Variants in ROBO1 observed in about 807,000 individuals in gnomAD.
ROBO1 encodes roundabout homolog 1.
ROBO1 carries 149 observed loss-of-function variants against 195.9 expected under a neutral mutation model. That is an observed-to-expected ratio of 0.76 (90% CI 0.67 to 0.87). The LOEUF (loss-of-function observed/expected upper bound fraction) is 0.87, where lower values mean the gene tolerates loss of function less well. Among genes scored for constraint, ROBO1 ranks in the 40% least tolerant of loss-of-function variants. The pLI is 0.00. For synonymous variants in ROBO1, 816 were observed against 733.2 expected, an observed-to-expected ratio of 1.11 and a Z score of -1.82; for missense variants, 1,933 against 2,068.3, an observed-to-expected ratio of 0.93 and a Z score of 1.27.
At chr3:78,884,166 T>C (rs1168530256) in intron 4 of ROBO1, among the ~76,000 whole-genome samples, 1 of 152,192 alleles carries the variant, frequency 6.6e-6, no homozygotes, top group Non-Finnish European at 1.5e-5. Context: ...AACATGAATG[T>C]TATTATACAG....
At chr3:79,003,643 T>A (rs1042215019) in intron 3 of ROBO1, among the ~76,000 whole-genome samples, 1 of 152,260 alleles carries the variant, frequency 6.6e-6, no homozygotes, top group African/African-American at 2.4e-5. Flanking sequence ...CATTTTACTG[T>A]GAAACATAAT....
chr3:79,097,283 G>A (rs976717317), intron 3 of ROBO1, among the ~76,000 whole-genome samples: 3 of 151,760 alleles, frequency 2.0e-5, no homozygotes, highest in Non-Finnish European at 4.4e-5. Flanking sequence ...GACAAGCTTT[G>A]CATTTGTAAA....
At chr3:78,824,998 C>A (rs918752763) in intron 4 of ROBO1, among the ~76,000 whole-genome samples, 1 of 152,112 alleles carries the variant, frequency 6.6e-6, no homozygotes, top group Non-Finnish European at 1.5e-5. Context: ...TTTTAACCCT[C>A]TGTTAAAATT....
At chr3:79,273,924 A>G (rs79043520) in intron 2 of ROBO1, among the ~76,000 whole-genome samples, 2,741 of 152,128 alleles carry the variant, frequency 0.018, 63 homozygotes, top group African/African-American at 0.058. Context: ...AAAGAAGATC[A>G]TTATCTAATA....
At chr3:79,377,772 C>T (rs1575745901) in intron 2 of ROBO1, among the ~76,000 whole-genome samples, 1 of 152,308 alleles carries the variant, frequency 6.6e-6, no homozygotes, top group East Asian at 1.9e-4. Flanking sequence ...ATGTTTTGTG[C>T]ATTCCAGCCA....
intron 2 of ROBO1, among the ~76,000 whole-genome samples, chr3:79,161,268 G>A (rs112755161): frequency 1.5e-3 from 232 of 152,214 alleles, no homozygotes; most frequent in African/African-American, 5.2e-3. Flanking sequence ...CCTGACTGCT[G>A]CATCTCTTCT....
At chr3:78,779,524 C>T (rs868353304) in intron 4 of ROBO1, among the ~76,000 whole-genome samples, 1 of 152,240 alleles carries the variant, frequency 6.6e-6, no homozygotes, top group African/African-American at 2.4e-5. Flanking sequence ...CATCACTGGC[C>T]ATTAGAGAAA....
chr3:78,733,341 G>C (rs2082323184), intron 5 of ROBO1, among the ~76,000 whole-genome samples: 1 of 151,856 alleles, frequency 6.6e-6, no homozygotes, highest in African/African-American at 2.4e-5. Context: ...CTGTTTTAAG[G>C]AAAGGCTATT....
intron 1 of ROBO1, among the ~76,000 whole-genome samples, chr3:79,758,695 T>C (rs1034729315): frequency 2.0e-5 from 3 of 151,620 alleles, no homozygotes; most frequent in Admixed American, 1.3e-4. Context: ...GGAAACAGAG[T>C]GGTGTGTTGA....
At chr3:78,868,766 C>A (rs1479149289) in intron 4 of ROBO1, among the ~76,000 whole-genome samples, 1 of 152,142 alleles carries the variant, frequency 6.6e-6, no homozygotes, top group African/African-American at 2.4e-5. Flanking sequence ...TCACAGCTGT[C>A]TTCCATTACA....
intron 2 of ROBO1, among the ~76,000 whole-genome samples, chr3:79,297,450 C>G (rs984196657): frequency 2.6e-5 from 4 of 152,108 alleles, no homozygotes; most frequent in Non-Finnish European, 1.5e-5. Flanking sequence ...ATTATGATCT[C>G]TAGTGGGCAT....
intron 3 of ROBO1, among the ~76,000 whole-genome samples, chr3:79,030,739 T>G (rs1402722543): frequency 6.6e-6 from 1 of 152,212 alleles, no homozygotes; most frequent in African/African-American, 2.4e-5. Context: ...TTTATTTTTT[T>G]GAGATGGAGT....
chr3:79,114,864 A>T (rs887093885), intron 3 of ROBO1, among the ~76,000 whole-genome samples: 2 of 152,178 alleles, frequency 1.3e-5, no homozygotes, highest in African/African-American at 4.8e-5. Context: ...GTGATGCAGA[A>T]CAAGAGAAGG....
intron 1 of ROBO1, among the ~76,000 whole-genome samples, chr3:79,654,945 T>A (rs1946116739): frequency 6.6e-6 from 1 of 152,104 alleles, no homozygotes; most frequent in East Asian, 1.9e-4. Context: ...GCCTTAATTT[T>A]TTCCCCTTTA....
At chr3:79,214,897 CA>C (rs978224935) in intron 2 of ROBO1, among the ~76,000 whole-genome samples, 2 of 150,380 alleles carry the variant, frequency 1.3e-5, no homozygotes, top group Non-Finnish European at 3.0e-5. Flanking sequence ...CAGTCTCCAT[CA>C]AAAAACGTCA....
At chr3:79,459,705 AATG>A (rs1485233508) in intron 2 of ROBO1, among the ~76,000 whole-genome samples, 13 of 152,120 alleles carry the variant, frequency 8.5e-5, no homozygotes, top group African/African-American at 2.9e-4. Flanking sequence ...ACCAGAATAA[AATG>A]ATCTATATTT....
intron 1 of ROBO1, among the ~76,000 whole-genome samples, chr3:79,760,236 CAAAAAAAAAAAAA>C (rs11451206): frequency 0.017 from 77 of 4,496 alleles, no homozygotes; most frequent in African/African-American, 0.049. Flanking sequence ...GACCCTATCT[CAAAAAAAAAAAAA>C]AAAAAAAAAA....
intron 1 of ROBO1, among the ~76,000 whole-genome samples, chr3:79,658,843 A>C (rs574769640): frequency 1.3e-5 from 2 of 150,838 alleles, no homozygotes; most frequent in Admixed American, 1.3e-4. Flanking sequence ...ATCCTGGCTC[A>C]CTGCAACCTC....
At chr3:79,284,744 TAGA>T (rs1241116891) in intron 2 of ROBO1, among the ~76,000 whole-genome samples, 6 of 152,196 alleles carry the variant, frequency 3.9e-5, no homozygotes, top group African/African-American at 1.4e-4. Context: ...TAGTTACACT[TAGA>T]AGATTTTCTA....
Sources: gnomAD v4.1 joint callset for allele counts (sites outside exome capture counted in the v4.1 genomes callset) on GRCh38, gnomAD v4.1.1 for gene constraint, MANE v1.5 for transcripts, NCBI Gene and HGNC (gene_info 2026-07-23, HGNC 2026-07-21) for gene names.